The following NEURL4 variants were observed in gnomAD, a reference collection of about 807,000 sequenced individuals.
NEURL4 encodes neuralized-like protein 4.
Under a neutral mutation model 148.0 loss-of-function variants are expected in NEURL4, and 45 were observed. That is an observed-to-expected ratio of 0.30 (90% CI 0.24 to 0.39). The LOEUF is 0.39. Among genes scored for constraint, NEURL4 ranks in the 10% least tolerant of loss-of-function variants. The pLI is 1.00. For missense variants in NEURL4, 1,776 were observed against 2,144.0 expected (o/e 0.83, Z 3.39); for synonymous variants, 854 against 869.0 (o/e 0.98, Z 0.30).
Position 7,327,805 on chromosome 17 carries a change from G to A in NEURL4, c.362C>T (p.Thr121Met), listed in dbSNP as rs752284717. 5.6e-6 allele frequency: 9 copies of A among 1,613,948 alleles called. No homozygotes were observed. The highest frequency in any genetic ancestry group is 2.2e-5 in the South Asian group (2 of 91,084). ...PSVLDFPSSATGLKGGSWVVS... is the reference protein window; with the variant it reads ...PSVLDFPSSAMGLKGGSWVVS... ...TACCCACGAGCCCCCCTTCAGGCCC[G>A]TGGCACTGCTTGGAAAGTCCAGCAC... Residue 121 changes from threonine (T) to methionine (M), a missense_variant, in exon 2 of 29, where the codon ACG (threonine) becomes ATG (methionine). Thr to Met is a moderately conservative substitution (Grantham distance 81). Transcript: ENST00000399464. This position sits in a 1 kb window ranked among gnomAD's most constrained non-coding sequence, Gnocchi z 6.6.
At chr17:7,320,658 C>T in intron 21 of NEURL4, 101 bp downstream of exon 21, 3 of 1,111,218 alleles carry the variant, frequency 2.7e-6, no homozygotes, top group South Asian at 3.1e-5. Context: ...ATCCAAGTGG[C>T]TTGCTTTCTT....
In NEURL4 at chr17:7,317,334, C is replaced by T; in HGVS notation, c.4355G>A (p.Gly1452Glu). 1 of 1,547,290 alleles carries T rather than the reference C, an allele frequency of 6.5e-7. No homozygotes were observed. The highest frequency in any genetic ancestry group is 1.7e-4 in the Middle Eastern group (1 of 5,732). Residue 1452 changes from glycine to glutamate, a missense_variant, in exon 28 of 29, where the codon GGA becomes GAA. Physicochemically the swap from Gly to Glu is moderately conservative, Grantham distance 98. Coordinates refer to ENST00000399464, the MANE Select transcript of NEURL4 (RefSeq NM_032442.3). The part of the protein sequence containing the change: ...ASILSCRPLK[G>E]EPGVGFEEPG... The stretch of plus-strand genomic sequence containing the variant: ...CTCCTCGAACCCTACCCCAGGTTCT[C>T]CCTTCAAAGGACGGCAGCTCAGGAT...
chr17:7,328,650 G>A (rs1176083091), intron 1 of NEURL4, among the ~76,000 whole-genome samples: 1 of 152,082 alleles, frequency 6.6e-6, no homozygotes, highest in Admixed American at 6.6e-5. Context: ...TGATCCGCCC[G>A]CCTCGGACTC....
chr17:7,316,326 A>T lies in NEURL4; in HGVS notation c.4486T>A (p.Phe1496Ile). 6.2e-7 allele frequency: 1 copy of T among 1,611,698 alleles called. No individual in the cohort carries two copies. The highest frequency in any genetic ancestry group is 1.1e-5 in the South Asian group (1 of 90,984). The change falls in exon 29 of 29, where the codon TTC becomes ATC. Residue 1496 changes from phenylalanine to isoleucine, a missense_variant and splice_region_variant. By Grantham distance (21) the Phe-to-Ile change is conservative. Coordinates refer to ENST00000399464, the MANE Select transcript of NEURL4 (RefSeq NM_032442.3). ...GAETLASKVQ[F>I]RDPKSQRTHQ... is the part of the protein sequence containing the mutation. The stretch of plus-strand genomic sequence containing the variant: ...GTCCGCTGGGATTTGGGGTCCCGGA[A>T]TCTGTCAGACAAGAAAAAATAAGGG...
chr17:7,318,376 C>T lies in NEURL4; in HGVS notation c.3865-20G>A, dbSNP rs1353760580. ...TGTCACCTGCAGGGGAGAGGGTAGT[C>T]AGACAGAGCTTGGTCAGACCCCAGG... On this transcript the variant is annotated intron_variant, in intron 23 of 28. Coordinates refer to ENST00000399464, the MANE Select transcript of NEURL4 (RefSeq NM_032442.3). The surrounding 1 kb of genome is among the most constrained non-coding windows in gnomAD (Gnocchi z 4.3). 1.2e-6 allele frequency: 2 copies of T among 1,613,580 alleles called. No homozygotes were observed. Among genetic ancestry groups the T allele is most frequent in the Non-Finnish European group, 1.7e-6 (2 of 1,179,682 alleles).
intron 13 of NEURL4, 41 bp from the exon 14 acceptor site, chr17:7,323,604 C>T: frequency 6.2e-7 from 1 of 1,613,958 alleles, no homozygotes; most frequent in Non-Finnish European, 8.5e-7. Context: ...ATCCCCAAGG[C>T]ACAGACATCC....
chr17:7,317,765 G>T (rs1451099192), intron 26 of NEURL4, 23 bp downstream of exon 26: 1 of 1,611,302 alleles, frequency 6.2e-7, no homozygotes, highest in Non-Finnish European at 8.5e-7. Flanking sequence ...GTAGGGGAAA[G>T]GCATGACCTT....
Position 7,325,144 on chromosome 17 carries a change from T to TGGGGGGGGGGGGGGGGGGGGGGGGGGGG in NEURL4, c.1631+64_1631+65insCCCCCCCCCCCCCCCCCCCCCCCCCCCC. 3.6e-4 allele frequency: 347 copies of TGGGGGGGGGGGGGGGGGGGGGGGGGGGG among 956,448 alleles called. 1 individual carries two copies. The highest frequency in any genetic ancestry group is 4.9e-4 in the Non-Finnish European group (319 of 646,240). The allele number at this position is 956,448 out of a possible 1,614,324, so 59.2% of individuals were successfully genotyped here. On this transcript the variant is annotated intron_variant, in intron 8 of 28. Transcript: ENST00000399464. ...AGGCTCCCTCTGCCTTCCACTTCCTTGCCCCGCCCCCCCCCCCCCATTAGA... is the reference window on the plus strand; with the variant it reads ...AGGCTCCCTCTGCCTTCCACTTCCTTGGGGGGGGGGGGGGGGGGGGGGGGGGGGGCCCCGCCCCCCCCCCCCCATTAGA...
Position 7,322,519 on chromosome 17 carries a change from G to T in NEURL4, c.2725+216C>A, listed in dbSNP as rs893535685. On this transcript the variant is annotated intron_variant, in intron 16 of 28. Transcript: ENST00000399464. The surrounding 1 kb of genome is among the most constrained non-coding windows in gnomAD (Gnocchi z 5.5). ...AAACCTGGCATGCTCAGCTTATGGT[G>T]TCCTGGCCCCTTGGTGGCAGGGAAG... Among the ~76,000 whole-genome samples, 8 of 152,124 alleles carry T rather than the reference G, an allele frequency of 5.3e-5. No homozygotes were observed. The highest frequency in any genetic ancestry group is 7.4e-5 in the Non-Finnish European group (5 of 68,004).
chr17:7,318,619 C>T lies in NEURL4; in HGVS notation c.3740G>A (p.Gly1247Glu). ...CCCCCCAGAGCTGTCCAGCCGCAGT[C>T]CCAGGATGGTGCCTTCAGGGCACGT... The part of the protein sequence containing the change: ...LDTCPEGTIL[G>E]LRLDSSGGLH... The change falls in exon 23 of 29, where the codon GGA becomes GAA. Residue 1247 changes from glycine to glutamate, a missense_variant. Physicochemically the swap from Gly to Glu is moderately conservative, Grantham distance 98 (BLOSUM62 -2). Coordinates refer to ENST00000399464, the MANE Select transcript of NEURL4 (RefSeq NM_032442.3). This position sits in a 1 kb window ranked among gnomAD's most constrained non-coding sequence, Gnocchi z 4.3. The T allele has an allele frequency of 4.3e-6, 7 of 1,613,994 alleles. No individual in the cohort carries two copies. The highest frequency in any genetic ancestry group is 5.9e-6 in the Non-Finnish European group (7 of 1,179,924).
At chr17:7,325,144 T>TGGGGGGGGGGGGGGGGGCGGGGGGGG in intron 8 of NEURL4, 65 bp downstream of exon 8, 2 of 956,488 alleles carry the variant, frequency 2.1e-6, no homozygotes, top group East Asian at 2.7e-5. Context: ...TCCACTTCCT[T>TGGGGGGGGGGGGGGGGGCGGGGGGGG]GCCCCGCCCC....
rs546827412 is a variant in NEURL4 at position 7,326,413 on chromosome 17, C to A, written c.1204+24G>T. 4.3e-6 allele frequency: 7 copies of A among 1,613,666 alleles called. No homozygotes were observed. The highest frequency in any genetic ancestry group is 1.7e-4 in the Middle Eastern group (1 of 6,060). On this transcript the variant is annotated intron_variant, in intron 5 of 28. Transcript: ENST00000399464. This position sits in a 1 kb window ranked among gnomAD's most constrained non-coding sequence, Gnocchi z 6.0. ...CCCTCAGCAACACCAGGCCTGCACC[C>A]CCGCCCCTGCCCGGGGCTGGTACCT...
rs747511827 is a variant in NEURL4, at chr17:7,317,830, C to T, written c.4163G>A (p.Arg1388Gln). ...CCAGCCAAAGGGCAGTGCATATTCC[C>T]GGGGAGGCTCCCCTCTGCGCCTGTG... ...EAHRRRGEPP[R>Q]EYALPFGWCR... The change falls in exon 26 of 29, where the codon CGG becomes CAG. Residue 1388 changes from arginine (R) to glutamine (Q), a missense_variant. Coordinates refer to ENST00000399464, the MANE Select transcript of NEURL4 (RefSeq NM_032442.3). 1.3e-5 allele frequency: 21 copies of T among 1,613,914 alleles called. No homozygotes were observed. Among genetic ancestry groups the T allele is most frequent in the East Asian group, 8.9e-5 (4 of 44,896 alleles).
At position 7,326,739 on chromosome 17, in the gene NEURL4, C is replaced by A; in HGVS notation, c.1064G>T (p.Arg355Leu). The A allele has an allele frequency of 1.2e-6, 2 of 1,611,928 alleles. No individual in the cohort carries two copies. The highest frequency in any genetic ancestry group is 2.2e-5 in the East Asian group (1 of 44,864). The change falls in exon 4 of 29, where the codon CGC becomes CTC. Residue 355 changes from arginine to leucine, a missense_variant. Physicochemically the swap from Arg to Leu is moderately radical, Grantham distance 102. Transcript: ENST00000399464. The surrounding 1 kb of genome is among the most constrained non-coding windows in gnomAD (Gnocchi z 6.0). ...AAACATCTCATTGTCCCGAAGGGGG[C>A]GATTGGTCATGACAACCCCATTGTT... ...EFNNGVVMTN[R>L]PLRDNEMFEI... is the part of the protein sequence containing the mutation.
chr17:7,326,562 A>G lies in NEURL4; in HGVS notation c.1093-14T>C. 6.2e-7 allele frequency: 1 copy of G among 1,612,806 alleles called. No homozygotes were observed. Among genetic ancestry groups the G allele is most frequent in the Non-Finnish European group, 8.5e-7 (1 of 1,178,846 alleles). Reference sequence around the variant, plus strand: ...GTCGATACGGATCTGGCATTGAGGGACAGAAGGGAGAAGCAGGGAATGTAA... The same window carrying G: ...GTCGATACGGATCTGGCATTGAGGGGCAGAAGGGAGAAGCAGGGAATGTAA... On this transcript the variant is annotated splice_polypyrimidine_tract_variant and intron_variant, in intron 4 of 28. Transcript: ENST00000399464. The surrounding 1 kb of genome is among the most constrained non-coding windows in gnomAD (Gnocchi z 6.0).
At chr17:7,325,163 C>CCCCCAG in intron 8 of NEURL4, 46 bp downstream of exon 8, 1 of 608,028 alleles carries the variant, frequency 1.6e-6, no homozygotes, top group Non-Finnish European at 2.7e-6. Context: ...CCCCCCCCCC[C>CCCCCAG]ATTAGAATCC....
At chr17:7,325,177 C>T (rs1420141632) in intron 8 of NEURL4, 32 bp downstream of exon 8, 1 of 575,930 alleles carries the variant, frequency 1.7e-6, no homozygotes, top group Admixed American at 3.2e-5. Context: ...AGAATCCCTT[C>T]TTCAGGCTTC....
Position 7,315,796 on chromosome 17 carries a change from C to G in NEURL4, c.*327G>C. ...AGACTCCTCTGGGATTCACAGTAACCAGAAACAAAAACGGAAATAAATTAA... is the reference window on the plus strand; with the variant it reads ...AGACTCCTCTGGGATTCACAGTAACGAGAAACAAAAACGGAAATAAATTAA... On this transcript the variant is annotated 3_prime_UTR_variant, in exon 29 of 29. Coordinates refer to ENST00000399464, the MANE Select transcript of NEURL4 (RefSeq NM_032442.3). 1 of 516,418 alleles carries G rather than the reference C, an allele frequency of 1.9e-6. No individual in the cohort carries two copies. Among genetic ancestry groups the G allele is most frequent in the Non-Finnish European group, 3.4e-6 (1 of 292,558 alleles). The allele number at this position is 516,418 out of a possible 1,614,324, so 32.0% of individuals were successfully genotyped here.
In NEURL4 at chr17:7,323,850, C is replaced by T. The variant is rs779573653; in HGVS notation, c.2225G>A (p.Arg742His). ...GACGATGGCGTCATTAAACTCGCTG[C>T]GACAGTTGTGGCGGAGGGCGGTGCG... is the stretch of plus-strand genomic sequence containing the variant. ...GGRTALRHNC[R>H]SEFNDAIVIS... is the part of the protein sequence containing the mutation. The change falls in exon 12 of 29, where the codon CGC (arginine) becomes CAC (histidine). Residue 742 changes from arginine to histidine, a missense_variant. Physicochemically the swap from Arg to His is conservative, Grantham distance 29. Coordinates refer to ENST00000399464, the MANE Select transcript of NEURL4 (RefSeq NM_032442.3). The T allele has an allele frequency of 2.9e-5, 46 of 1,613,984 alleles. No individual in the cohort carries two copies. The highest frequency in any genetic ancestry group is 2.0e-4 in the South Asian group (18 of 91,094).
Sources: gnomAD v4.1 joint callset for allele counts (sites outside exome capture counted in the v4.1 genomes callset) on GRCh38, gnomAD v4.1.1 for gene constraint, Gnocchi (gnomAD v3.1) non-coding constraint, MANE v1.5 for transcripts, NCBI Gene and HGNC (gene_info 2026-07-23, HGNC 2026-07-21) for gene names.